The following VWA8 variants were observed in gnomAD, a reference collection of about 807,000 sequenced individuals.
The protein encoded by VWA8 is von Willebrand factor A domain containing 8.
VWA8 carries 221 observed loss-of-function variants against 241.5 expected under a neutral mutation model. The ratio of observed to expected loss-of-function variants is 0.91; its 90% CI spans 0.82 to 1.02. The LOEUF (loss-of-function observed/expected upper bound fraction) is 1.02, where lower values mean the gene tolerates loss of function less well. Among genes scored for constraint, VWA8 ranks in the 50% least tolerant of loss-of-function variants. The pLI, the probability that VWA8 is intolerant of heterozygous loss-of-function variation, is 0.00. For missense variants in VWA8, 2,322 were observed against 2,328.7 expected, an observed-to-expected ratio of 1.00 and a Z score of 0.06; for synonymous variants, 852 against 827.1, an observed-to-expected ratio of 1.03 and a Z score of -0.52.
intron 24 of VWA8, among the ~76,000 whole-genome samples, chr13:41,723,500 A>G (rs532303906): frequency 6.6e-6 from 1 of 152,314 alleles, no homozygotes; most frequent in Admixed American, 6.5e-5. Context: ...GCGACCCATT[A>G]GGGGACTATT....
intron 10 of VWA8, among the ~76,000 whole-genome samples, chr13:41,866,782 A>G (rs970491451): frequency 2.0e-5 from 3 of 152,196 alleles, no homozygotes; most frequent in African/African-American, 4.8e-5. Flanking sequence ...AAAGTCACCA[A>G]TGACCTCCTG....
chr13:41,630,128 T>G (rs1452048639), intron 37 of VWA8, among the ~76,000 whole-genome samples: 3 of 152,220 alleles, frequency 2.0e-5, no homozygotes, highest in Non-Finnish European at 4.4e-5. Context: ...TGGGAGCATA[T>G]GAGGCCTATT....
intron 27 of VWA8, among the ~76,000 whole-genome samples, chr13:41,701,929 G>A (rs1001265681): frequency 1.3e-5 from 2 of 152,190 alleles, no homozygotes; most frequent in African/African-American, 4.8e-5. Flanking sequence ...CCATTGTGAA[G>A]AAGGATTTTT....
chr13:41,597,309 A>C (rs1357322110), intron 40 of VWA8, among the ~76,000 whole-genome samples: 2 of 152,174 alleles, frequency 1.3e-5, no homozygotes, highest in Non-Finnish European at 1.5e-5. Flanking sequence ...AAACTTTCAT[A>C]TTGAATTTAT....
chr13:41,926,964 A>T, intron 2 of VWA8: 2 of 508,490 alleles, frequency 3.9e-6, no homozygotes, highest in South Asian at 3.2e-5. Flanking sequence ...TCCTACATTA[A>T]TCTGTGATCA....
intron 19 of VWA8, among the ~76,000 whole-genome samples, chr13:41,778,910 C>G (rs530672629): frequency 1.7e-4 from 22 of 132,206 alleles, no homozygotes; most frequent in Non-Finnish European, 2.3e-4. Flanking sequence ...GGCGCGATCT[C>G]GGCTCACTGC....
chr13:41,892,131 T>C (rs918417855), intron 4 of VWA8, among the ~76,000 whole-genome samples: 10 of 152,190 alleles, frequency 6.6e-5, no homozygotes. Context: ...GATTTTACAT[T>C]GGCCAATAGC....
At chr13:41,608,181 T>C (rs1293355960) in intron 39 of VWA8, among the ~76,000 whole-genome samples, 1 of 152,146 alleles carries the variant, frequency 6.6e-6, no homozygotes. Context: ...GGTGCGATCA[T>C]GTTGCACCCA....
At position 41,856,290 on chromosome 13, in the gene VWA8, C is replaced by T. The variant is rs368169212; in HGVS notation, c.1425+9446G>A. On this transcript the variant is annotated intron_variant, in intron 12 of 44. Coordinates refer to ENST00000379310, the MANE Select transcript of VWA8 (RefSeq NM_015058.2). The stretch of plus-strand genomic sequence containing the variant: ...GGCAGACACTACAGTGAGCTGAGAT[C>T]GCACCACCGCACTCTAGTCTGGGTG... Among the ~76,000 whole-genome samples, 15 of 152,192 alleles carry T rather than the reference C, an allele frequency of 9.9e-5. 1 individual carries two copies. Among genetic ancestry groups the T allele is most frequent in the South Asian group, 4.1e-4 (2 of 4,822 alleles).
chr13:41,663,218 G>T (rs2044963789), intron 37 of VWA8, among the ~76,000 whole-genome samples: 1 of 151,582 alleles, frequency 6.6e-6, no homozygotes, highest in Non-Finnish European at 1.5e-5. Context: ...AGCTTATTCA[G>T]TTACATAAAA....
chr13:41,733,200 G>A (rs2045498784), intron 21 of VWA8, among the ~76,000 whole-genome samples: 2 of 152,156 alleles, frequency 1.3e-5, no homozygotes, highest in African/African-American at 2.4e-5. Flanking sequence ...ATTGTAAAAT[G>A]TGTATCTGTT....
intron 9 of VWA8, among the ~76,000 whole-genome samples, chr13:41,872,318 C>A (rs1873668840): frequency 6.6e-6 from 1 of 152,158 alleles, no homozygotes; most frequent in Non-Finnish European, 1.5e-5. Flanking sequence ...TAATTAGATC[C>A]CATTTGTCAA....
Position 41,605,178 on chromosome 13 carries a change from T to C in VWA8, c.4976A>G (p.Asp1659Gly), listed in dbSNP as rs1424007404. 1.9e-6 allele frequency: 3 copies of C among 1,612,902 alleles called. No individual in the cohort carries two copies. Among genetic ancestry groups the C allele is most frequent in the Admixed American group, 1.7e-5 (1 of 59,934 alleles). The change falls in exon 40 of 45, where the codon GAT (aspartate) becomes GGT (glycine). Residue 1659 changes from aspartate (D) to glycine (G), a missense_variant. Coordinates refer to ENST00000379310, the MANE Select transcript of VWA8 (RefSeq NM_015058.2). ...TAAGTAGAAGATTACCTGTAAATTATCCAGGATGATTCGGAGGGAGTGCAC... is the reference window on the plus strand; with the variant it reads ...TAAGTAGAAGATTACCTGTAAATTACCCAGGATGATTCGGAGGGAGTGCAC... The part of the protein sequence containing the change: ...RQVHSLRIIL[D>G]NLQAKGKERQ...
intron 21 of VWA8, among the ~76,000 whole-genome samples, chr13:41,757,100 A>G (rs1271717886): frequency 6.6e-6 from 1 of 151,764 alleles, no homozygotes; most frequent in Non-Finnish European, 1.5e-5. Flanking sequence ...TTCCAACTTT[A>G]TCCATGTGAG....
intron 38 of VWA8, among the ~76,000 whole-genome samples, chr13:41,614,561 T>C (rs2044609358): frequency 6.6e-6 from 1 of 152,188 alleles, no homozygotes; most frequent in African/African-American, 2.4e-5. Flanking sequence ...GAATTTACTG[T>C]GGATTTCTGG....
chr13:41,863,455 T>TATATATATATATATATATATATATATTCA (rs1566485517), intron 12 of VWA8, among the ~76,000 whole-genome samples: 1 of 87,156 alleles, frequency 1.1e-5, no homozygotes, highest in Non-Finnish European at 2.4e-5. Flanking sequence ...ATATATATAT[T>TATATATATATATATATATATATATATTCA]CACACACACA....
chr13:41,882,658 G>A (rs901220149), intron 9 of VWA8, among the ~76,000 whole-genome samples: 1 of 152,240 alleles, frequency 6.6e-6, no homozygotes, highest in Non-Finnish European at 1.5e-5. Context: ...ACGAAAACCA[G>A]TCAGGCGTGG....
rs1184895 is a variant in VWA8 at position 41,868,813 on chromosome 13, G to A, written c.1081-336C>T. 2.1e-4 allele frequency among the ~76,000 whole-genome samples: 32 copies of A among 149,508 alleles called. 2 individuals are homozygous for A. The East Asian group carries it at 5.6e-3, about 26-fold the overall frequency. On this transcript the variant is annotated intron_variant, in intron 9 of 44. Transcript: ENST00000379310. Reference sequence around the variant, plus strand: ...TGAGGCAAGAGAATGGCGTGAACCCGGGAGGTGGAGCTTGCAGTGAGCCGA... The same window carrying A: ...TGAGGCAAGAGAATGGCGTGAACCCAGGAGGTGGAGCTTGCAGTGAGCCGA...
chr13:41,848,123 T>C (rs1172600404), intron 12 of VWA8, among the ~76,000 whole-genome samples: 1 of 152,168 alleles, frequency 6.6e-6, no homozygotes, highest in Non-Finnish European at 1.5e-5. Context: ...ATGTGCCATG[T>C]TCCAGTACTT....
Sources: gnomAD v4.1 joint callset for allele counts (sites outside exome capture counted in the v4.1 genomes callset) on GRCh38, gnomAD v4.1.1 for gene constraint, MANE v1.5 for transcripts, NCBI Gene and HGNC (gene_info 2026-07-23, HGNC 2026-07-21) for gene names.